The following CMYA5 variants were observed in gnomAD, a reference collection of about 807,000 sequenced individuals.
The protein encoded by CMYA5 is cardiomyopathy-associated protein 5.
In CMYA5, 246 loss-of-function variants were observed where a neutral mutation model predicts 318.9. The ratio of observed to expected loss-of-function variants is 0.77; its 90% CI spans 0.70 to 0.86. The LOEUF is 0.86. CMYA5 is among the 40% of genes least tolerant of loss of function. The pLI is 0.00. For missense variants in CMYA5, 4,589 were observed against 4,678.2 expected, an observed-to-expected ratio of 0.98 and a Z score of 0.56; for synonymous variants, 1,641 against 1,729.5, an observed-to-expected ratio of 0.95 and a Z score of 1.27.
chr5:79,790,099 C>G (rs977051118), intron 10 of CMYA5, among the ~76,000 whole-genome samples: 2 of 152,298 alleles, frequency 1.3e-5, no homozygotes, highest in Middle Eastern at 6.8e-3. Context: ...GATCGGCTTA[C>G]CCAGAAACAT....
chr5:79,789,631 G>A (rs572996000), intron 10 of CMYA5, among the ~76,000 whole-genome samples: 6 of 152,072 alleles, frequency 3.9e-5, no homozygotes, highest in Non-Finnish European at 8.8e-5. Flanking sequence ...TGCCATGTTG[G>A]CCAGGCTGGT....
chr5:79,719,222 C>A (rs1280828836), intron 1 of CMYA5, among the ~76,000 whole-genome samples: 1 of 152,092 alleles, frequency 6.6e-6, no homozygotes, highest in African/African-American at 2.4e-5. Context: ...TTTAAAAGTT[C>A]AATTTGTACA....
chr5:79,748,496 C>CCTATCTAT (rs1365625840), intron 5 of CMYA5, among the ~76,000 whole-genome samples: 2 of 144,770 alleles, frequency 1.4e-5, no homozygotes, highest in African/African-American at 5.3e-5. Context: ...TTCCGAGTTC[C>CCTATCTAT]CTATCTATCT....
chr5:79,751,333 G>A (rs1380615021), intron 5 of CMYA5, among the ~76,000 whole-genome samples: 6 of 151,986 alleles, frequency 3.9e-5, no homozygotes, highest in Admixed American at 1.3e-4. Flanking sequence ...GTACTTGGCC[G>A]CATCTCCATG....
chr5:79,744,363 G>A (rs1828277007), intron 3 of CMYA5, among the ~76,000 whole-genome samples: 1 of 152,200 alleles, frequency 6.6e-6, no homozygotes, highest in South Asian at 2.1e-4. Context: ...CAGGGCCAGT[G>A]AGTGCCTCTC....
At chr5:79,748,516 T>TCTAC (rs755759972) in intron 5 of CMYA5, among the ~76,000 whole-genome samples, 2 of 113,318 alleles carry the variant, frequency 1.8e-5, no homozygotes, top group African/African-American at 8.2e-5. Flanking sequence ...TATCTATCTA[T>TCTAC]CTACCTATCT....
At position 79,754,314 on chromosome 5, in the gene CMYA5, A is replaced by G. The variant is rs912090311; in HGVS notation, c.11110+1520A>G. Among the ~76,000 whole-genome samples, 53 of 152,316 alleles carry G rather than the reference A, an allele frequency of 3.5e-4. 1 individual carries two copies. The highest frequency in any genetic ancestry group is 1.2e-3 in the African/African-American group (50 of 41,576). ...ATGAGAAAAGGATGTGAGTTTTCCA[A>G]TGAGAAGTAGCAGCCCATACGATTT... On this transcript the variant is annotated intron_variant, in intron 6 of 12. Coordinates refer to ENST00000446378, the MANE Select transcript of CMYA5 (RefSeq NM_153610.5).
At chr5:79,721,656 G>A (rs879699843) in intron 1 of CMYA5, among the ~76,000 whole-genome samples, 1 of 151,964 alleles carries the variant, frequency 6.6e-6, no homozygotes, top group African/African-American at 2.4e-5. Context: ...AAGATAGCTG[G>A]CATAATGCTA....
At chr5:79,755,693 A>G (rs947495788) in intron 6 of CMYA5, among the ~76,000 whole-genome samples, 1 of 152,212 alleles carries the variant, frequency 6.6e-6, no homozygotes, top group Non-Finnish European at 1.5e-5. Flanking sequence ...TCCAGCCATT[A>G]TTATTAGATT....
At chr5:79,727,622 C>T (rs16877091) in intron 1 of CMYA5, among the ~76,000 whole-genome samples, 33,368 of 152,080 alleles carry the variant, frequency 0.22, 6,528 homozygotes, top group African/African-American at 0.52. Context: ...ATGGCAAACG[C>T]GGCTGCTGCA....
Position 79,737,119 on chromosome 5 carries a change from G to T in CMYA5, c.8354G>T (p.Gly2785Val), listed in dbSNP as rs1828090595. 1 of 1,533,948 alleles carries T rather than the reference G, an allele frequency of 6.5e-7. No homozygotes were observed. Among genetic ancestry groups the T allele is most frequent in the Admixed American group, 1.7e-5 (1 of 59,780 alleles). Residue 2785 changes from glycine (G) to valine (V), a missense_variant, in exon 2 of 13, where the codon GGA becomes GTA. Transcript: ENST00000446378. ...VDITKESMKE[G>V]FPSKESERTL... ...ATCACAAAAGAAAGTATGAAAGAAG[G>T]ATTTCCATCTAAAGAATCCGAAAGG...
chr5:79,730,177 C>T lies in CMYA5; in HGVS notation c.1412C>T (p.Ala471Val). The T allele has an allele frequency of 6.2e-7, 1 of 1,613,884 alleles. No individual in the cohort carries two copies. The highest frequency in any genetic ancestry group is 1.6e-4 in the Middle Eastern group (1 of 6,062). Reference sequence around the variant, plus strand: ...ATAGAAAGGGCAGAACCAGTCTCCGCAAAACTGACCCCTACCCATCCCAGT... The same window carrying T: ...ATAGAAAGGGCAGAACCAGTCTCCGTAAAACTGACCCCTACCCATCCCAGT... ...TSIERAEPVS[A>V]KLTPTHPSVK... is the part of the protein sequence containing the mutation. Residue 471 changes from alanine (A) to valine (V), a missense_variant, in exon 2 of 13, where the codon GCA (alanine) becomes GTA (valine). This residue lies in a region of CMYA5 where 2,132 missense variants were observed against 2,131.3 expected (regional missense o/e 1.00). Transcript: ENST00000446378.
In CMYA5 at chr5:79,736,824, G is replaced by T. The variant is rs756367056; in HGVS notation, c.8059G>T (p.Val2687Leu). The T allele has an allele frequency of 3.1e-6, 5 of 1,612,680 alleles. No homozygotes were observed. The highest frequency in any genetic ancestry group is 1.1e-5 in the South Asian group (1 of 91,016). ...GTCAGAGCTATCGAAAGGCGGTTCA[G>T]TAGATATCACAAAAGAAACTGTGAA... ...RESELSKGGS[V>L]DITKETVKQG... The change falls in exon 2 of 13, where the codon GTA (valine) becomes TTA (leucine). Residue 2687 changes from valine to leucine, a missense_variant. By Grantham distance (32) the Val-to-Leu change is conservative. Around this residue, in one of 3 missense-constraint regions of CMYA5, gnomAD observed 2,431 missense variants for 2,495.1 expected, o/e 0.97. Transcript: ENST00000446378.
chr5:79,707,502 A>G (rs2151077317), intron 1 of CMYA5, among the ~76,000 whole-genome samples: 1 of 152,350 alleles, frequency 6.6e-6, no homozygotes, highest in Non-Finnish European at 1.5e-5. Flanking sequence ...AGAGGTAATC[A>G]TTATTAAAGA....
chr5:79,710,492 T>A (rs1011595310), intron 1 of CMYA5, among the ~76,000 whole-genome samples: 2 of 152,270 alleles, frequency 1.3e-5, no homozygotes, highest in Middle Eastern at 3.4e-3. Context: ...ATGTTCAGAA[T>A]GTATTTTTTA....
chr5:79,785,361 T>C (rs1829064992), intron 9 of CMYA5, among the ~76,000 whole-genome samples: 1 of 152,190 alleles, frequency 6.6e-6, no homozygotes, highest in African/African-American at 2.4e-5. Flanking sequence ...TTAGAGATCA[T>C]GTTAAATTTA....
chr5:79,695,940 T>A (rs1347339655), intron 1 of CMYA5, among the ~76,000 whole-genome samples: 1 of 152,200 alleles, frequency 6.6e-6, no homozygotes, highest in Non-Finnish European at 1.5e-5. Context: ...TAAACTTTCT[T>A]GTTATTATCC....
chr5:79,693,828 C>T (rs766478423), intron 1 of CMYA5, among the ~76,000 whole-genome samples: 2 of 152,204 alleles, frequency 1.3e-5, no homozygotes, highest in South Asian at 2.1e-4. Flanking sequence ...CTAAAACTCA[C>T]TCCAGTTTGG....
In CMYA5 at chr5:79,791,282, ATT is replaced by A. The variant is rs1226741124; in HGVS notation, c.11789+214_11789+215del. On this transcript the variant is annotated intron_variant, in intron 11 of 12. Coordinates refer to ENST00000446378, the MANE Select transcript of CMYA5 (RefSeq NM_153610.5). ...ACTTGGAGCAAGTGTCAATATTTTT[ATT>A]GGAAATATAAGCACAGATGGTTTGG... Among the ~76,000 whole-genome samples, 5 of 152,150 alleles carry A rather than the reference ATT, an allele frequency of 3.3e-5. No homozygotes were observed. In the East Asian group the frequency reaches 9.6e-4, roughly 29 times the overall value.
Sources: allele counts gnomAD v4.1 joint callset (sites outside exome capture counted in the v4.1 genomes callset), GRCh38; gene constraint gnomAD v4.1.1; regional missense constraint gnomAD v4.1.1; transcripts MANE v1.5; gene names NCBI Gene and HGNC (gene_info 2026-07-23, HGNC 2026-07-21).